Variants in PLPBP observed in about 807,000 individuals in gnomAD.
PLPBP encodes pyridoxal phosphate binding protein.
A neutral mutation model predicts 31.2 loss-of-function variants in PLPBP; 21 were observed. The observed-to-expected ratio is 0.67, with a 90% confidence interval of 0.48 to 0.97. PLPBP has a LOEUF of 0.97. Ranked by LOEUF, PLPBP falls within the 50% of genes least tolerant of loss-of-function variation. The pLI is 0.00. For synonymous variants in PLPBP, 124 were observed against 135.6 expected (o/e 0.91, Z 0.59); for missense variants, 308 against 354.4 (o/e 0.87, Z 1.05).
chr8:37,773,032 G>C (rs1563326504), intron 5 of PLPBP, 143 bp downstream of exon 5: 2 of 1,046,430 alleles, frequency 1.9e-6, no homozygotes, highest in East Asian at 5.0e-5. Context: ...GCTGTTTTAT[G>C]TGTGATCTAG....
chr8:37,778,506 C>G lies in PLPBP; in HGVS notation c.*402C>G, dbSNP rs1803976330. The G allele has an allele frequency of 6.3e-6, 1 of 157,484 alleles. No homozygotes were observed. The highest frequency in any genetic ancestry group is 1.9e-4 in the South Asian group (1 of 5,276). The allele number at this position is 157,484 out of a possible 1,614,324, so 9.8% of individuals were successfully genotyped here. ...AAAATTCCTTATGGTTAACATCTCCCTACAAACTCCTACTACGTCGTCTAA... is the reference window on the plus strand; with the variant it reads ...AAAATTCCTTATGGTTAACATCTCCGTACAAACTCCTACTACGTCGTCTAA... On this transcript the variant is annotated 3_prime_UTR_variant, in exon 8 of 8. Transcript: ENST00000328195.
intron 4 of PLPBP, among the ~76,000 whole-genome samples, chr8:37,768,169 C>A (rs1293566978): frequency 6.6e-6 from 1 of 152,082 alleles, no homozygotes; most frequent in African/African-American, 2.4e-5. Flanking sequence ...AAGGCTGGGT[C>A]TCTATTAATC....
chr8:37,764,278 G>A (rs1803564775), intron 1 of PLPBP, among the ~76,000 whole-genome samples: 1 of 149,550 alleles, frequency 6.7e-6, no homozygotes, highest in Non-Finnish European at 1.5e-5. Context: ...AATTTTTTGT[G>A]TATTTTTAGT....
chr8:37,777,294 T>A (rs193235887), intron 7 of PLPBP, among the ~76,000 whole-genome samples: 1 of 152,326 alleles, frequency 6.6e-6, no homozygotes, highest in African/African-American at 2.4e-5. Context: ...AAAATGGAAT[T>A]TGATCAGATA....
intron 4 of PLPBP, among the ~76,000 whole-genome samples, chr8:37,770,236 T>C (rs1803734241): frequency 1.3e-5 from 2 of 152,154 alleles, no homozygotes; most frequent in Non-Finnish European, 2.9e-5. Flanking sequence ...TGACTTCAAA[T>C]TATACTGTAG....
chr8:37,770,603 G>A (rs1303727216), intron 4 of PLPBP, among the ~76,000 whole-genome samples: 1 of 152,198 alleles, frequency 6.6e-6, no homozygotes, highest in Non-Finnish European at 1.5e-5. Flanking sequence ...TTTTGAGACA[G>A]GGTCTCACTC....
chr8:37,765,398 G>A, intron 1 of PLPBP, 128 bp from the exon 2 acceptor site: 1 of 851,936 alleles, frequency 1.2e-6, no homozygotes, highest in Non-Finnish European at 1.9e-6. Context: ...CTACAGTGTT[G>A]AAAAAATGGA....
chr8:37,767,043 T>TC (rs1803649635), intron 4 of PLPBP, among the ~76,000 whole-genome samples: 3 of 57,840 alleles, frequency 5.2e-5, no homozygotes, highest in African/African-American at 2.2e-4. Context: ...CAAGACTTCA[T>TC]CCCAAAAAAA....
At chr8:37,774,650 C>A (rs1164566578) in intron 5 of PLPBP, among the ~76,000 whole-genome samples, 1 of 152,188 alleles carries the variant, frequency 6.6e-6, no homozygotes, top group African/African-American at 2.4e-5. Flanking sequence ...AGTCAGACTA[C>A]CTGGGTTTAA....
At chr8:37,766,382 A>G in intron 4 of PLPBP, 27 bp downstream of exon 4, 2 of 1,584,452 alleles carry the variant, frequency 1.3e-6, no homozygotes, top group Non-Finnish European at 1.7e-6. Context: ...TATGAAAACA[A>G]AATTGTTCTG....
chr8:37,763,315 C>T (rs1803533412), intron 1 of PLPBP, among the ~76,000 whole-genome samples: 1 of 152,136 alleles, frequency 6.6e-6, no homozygotes, highest in Non-Finnish European at 1.5e-5. Flanking sequence ...GAGCTTTCGT[C>T]TTTTGTGTAT....
At position 37,765,943 on chromosome 8, in the gene PLPBP, G is replaced by C. The variant is rs115968089; in HGVS notation, c.243+197G>C. 9.3e-3 allele frequency among the ~76,000 whole-genome samples: 1,412 copies of C among 152,160 alleles called. 23 individuals are homozygous for C. The highest frequency in any genetic ancestry group is 0.032 in the African/African-American group (1,347 of 41,492). On this transcript the variant is annotated intron_variant, in intron 3 of 7. Transcript: ENST00000328195. ...GATTTTTCTCTTTGTTCAGACTGTC[G>C]TTTTCTCATTGGTGGCTGTTTGGAA...
chr8:37,763,658 TTC>T (rs1803543287), intron 1 of PLPBP, among the ~76,000 whole-genome samples: 1 of 152,130 alleles, frequency 6.6e-6, no homozygotes, highest in Non-Finnish European at 1.5e-5. Context: ...ACCTTGGAGG[TTC>T]TCTCAGGGAA....
intron 5 of PLPBP, among the ~76,000 whole-genome samples, chr8:37,773,094 G>GATATAA (rs1467046277): frequency 2.0e-5 from 3 of 152,070 alleles, no homozygotes; most frequent in African/African-American, 7.2e-5. Flanking sequence ...ACTACATCAT[G>GATATAA]GTTCATTATA....
intron 7 of PLPBP, among the ~76,000 whole-genome samples, chr8:37,777,021 C>A (rs762584162): frequency 3.3e-5 from 5 of 152,316 alleles, no homozygotes; most frequent in Admixed American, 6.5e-5. Flanking sequence ...CCCACCTAGG[C>A]CTCCCAAAGT....
At chr8:37,769,361 A>C (rs1803715923) in intron 4 of PLPBP, among the ~76,000 whole-genome samples, 1 of 151,598 alleles carries the variant, frequency 6.6e-6, no homozygotes, top group African/African-American at 2.4e-5. Context: ...TAATAATAAT[A>C]AATTTTAAAA....
In PLPBP at chr8:37,775,369, T is replaced by C. The variant is rs1447275348; in HGVS notation, c.485T>C (p.Ile162Thr). The change falls in exon 6 of 8, where the codon ATA becomes ACA. Residue 162 changes from isoleucine (I) to threonine (T), a missense_variant. Ile to Thr is a moderately conservative substitution (Grantham distance 89, BLOSUM62 -1). Around this residue, in one of 2 missense-constraint regions of PLPBP, gnomAD observed 188 missense variants for 259.3 expected, o/e 0.73. Coordinates refer to ENST00000328195, the MANE Select transcript of PLPBP (RefSeq NM_007198.4). ...SKHGLPPSETIAIVEHINAKC... is the reference protein window; with the variant it reads ...SKHGLPPSETTAIVEHINAKC... ...CATGGCCTTCCACCTTCAGAGACCA[T>C]AGCCATCGTGGAGCACATAAACGCC... 5.0e-6 allele frequency: 8 copies of C among 1,614,100 alleles called. No homozygotes were observed. Among genetic ancestry groups the C allele is most frequent in the South Asian group, 4.4e-5 (4 of 91,094 alleles).
intron 4 of PLPBP, among the ~76,000 whole-genome samples, chr8:37,768,613 C>T (rs777483255): frequency 2.6e-5 from 4 of 151,812 alleles, no homozygotes; most frequent in Non-Finnish European, 5.9e-5. Context: ...GCTGGGACTA[C>T]AGGCGCCCAC....
At chr8:37,775,660 C>A (rs1182875877) in intron 6 of PLPBP, among the ~76,000 whole-genome samples, 179 bp downstream of exon 6, 1 of 152,206 alleles carries the variant, frequency 6.6e-6, no homozygotes, top group African/African-American at 2.4e-5. Flanking sequence ...CAAAGCCCCA[C>A]AAACCTTTTT....
Sources: gnomAD v4.1 joint callset for allele counts (sites outside exome capture counted in the v4.1 genomes callset) on GRCh38, gnomAD v4.1.1 for gene constraint, gnomAD v4.1.1 regional missense constraint, MANE v1.5 for transcripts, NCBI Gene and HGNC (gene_info 2026-07-23, HGNC 2026-07-21) for gene names.